Variants in PXDNL observed in about 807,000 individuals in gnomAD.
The protein encoded by PXDNL is peroxidasin like.
A neutral mutation model predicts 150.8 loss-of-function variants in PXDNL; 145 were observed. That is an observed-to-expected ratio of 0.96 (90% CI 0.84 to 1.10). The LOEUF (loss-of-function observed/expected upper bound fraction) is 1.10. Ranked by LOEUF, PXDNL falls within the 50% of genes least tolerant of loss-of-function variation. The probability of loss-of-function intolerance (pLI) is 0.00; values close to 1 mark genes in which losing one functional copy is unlikely to be tolerated. For synonymous variants in PXDNL, 757 were observed against 725.7 expected (o/e 1.04, Z -0.69); for missense variants, 2,087 against 1,873.9 (o/e 1.11, Z -2.10).
At chr8:51,404,803 A>C (rs941989433) in intron 17 of PXDNL, among the ~76,000 whole-genome samples, 14 of 152,212 alleles carry the variant, frequency 9.2e-5, no homozygotes, top group Non-Finnish European at 1.9e-4. Flanking sequence ...GCTGCCCACC[A>C]GTCCCACGCA....
intron 11 of PXDNL, 119 bp from the exon 12 acceptor site, chr8:51,447,281 T>A: frequency 1.0e-6 from 1 of 1,001,550 alleles, no homozygotes; most frequent in South Asian, 1.8e-5. Context: ...TGCTAGGGTG[T>A]ACTGTGTGCG....
chr8:51,458,921 A>G (rs564082900), intron 8 of PXDNL, among the ~76,000 whole-genome samples: 1 of 150,322 alleles, frequency 6.7e-6, no homozygotes, highest in African/African-American at 2.5e-5. Flanking sequence ...TTCTTCAGCT[A>G]TTGGGTATAA....
intron 4 of PXDNL, among the ~76,000 whole-genome samples, chr8:51,543,863 AG>A (rs1245334708): frequency 6.6e-6 from 1 of 152,236 alleles, no homozygotes; most frequent in Non-Finnish European, 1.5e-5. Context: ...GCAAGAAAAA[AG>A]AAAAATTTAT....
chr8:51,497,365 T>C (rs1811075673), intron 5 of PXDNL, among the ~76,000 whole-genome samples: 1 of 152,170 alleles, frequency 6.6e-6, no homozygotes, highest in Non-Finnish European at 1.5e-5. Flanking sequence ...ATTCAGGACA[T>C]AGGCATGGGC....
intron 2 of PXDNL, among the ~76,000 whole-genome samples, chr8:51,645,717 G>A (rs1201751608): frequency 6.6e-6 from 1 of 152,200 alleles, no homozygotes; most frequent in African/African-American, 2.4e-5. Context: ...CTGAAATGGA[G>A]AAATTTACAG....
chr8:51,754,566 C>T (rs1049749552), intron 1 of PXDNL, among the ~76,000 whole-genome samples: 3 of 152,008 alleles, frequency 2.0e-5, no homozygotes, highest in African/African-American at 7.2e-5. Context: ...TCCAATGGCG[C>T]GATCTCAGCT....
Position 51,592,647 on chromosome 8 carries a change from T to A in PXDNL, c.288A>T (p.Gly96=). Residue 96 remains glycine (G), a synonymous_variant, in exon 3 of 23, where the codon GGA becomes GGT. Transcript: ENST00000356297. ...IRKISRNAFE[G]LENLLYLYLY... ...CTTACAGATATAGCAAATTTTCAAG[T>A]CCTTCAAAAGCATTTCTGGAAATCT... 1.3e-6 allele frequency: 2 copies of A among 1,548,600 alleles called. No homozygotes were observed. Among genetic ancestry groups the A allele is most frequent in the Middle Eastern group, 1.7e-4 (1 of 5,974 alleles).
At chr8:51,389,387 T>C (rs1807823390) in intron 17 of PXDNL, among the ~76,000 whole-genome samples, 1 of 152,168 alleles carries the variant, frequency 6.6e-6, no homozygotes, top group African/African-American at 2.4e-5. Context: ...TCAGCCTCGG[T>C]CCCTGATGTT....
intron 8 of PXDNL, among the ~76,000 whole-genome samples, chr8:51,471,986 G>A (rs1205102209): frequency 2.0e-5 from 3 of 152,074 alleles, no homozygotes; most frequent in South Asian, 2.1e-4. Context: ...CACCGCGCCC[G>A]GCCGGAAATG....
intron 12 of PXDNL, among the ~76,000 whole-genome samples, chr8:51,446,301 C>T (rs1809670578): frequency 6.6e-6 from 1 of 152,284 alleles, no homozygotes; most frequent in South Asian, 2.1e-4. Context: ...TGTGGAGAGA[C>T]TTAGGAAATT....
chr8:51,656,596 G>A (rs894305279), intron 1 of PXDNL, among the ~76,000 whole-genome samples: 5 of 152,256 alleles, frequency 3.3e-5, no homozygotes, highest in East Asian at 1.9e-4. Context: ...CTCCCAAAAT[G>A]AGATTCCAAT....
chr8:51,455,115 C>CAAAAAAAAAAAAA (rs536468204), intron 9 of PXDNL, among the ~76,000 whole-genome samples: 835 of 15,804 alleles, frequency 0.053, 271 homozygotes, highest in African/African-American at 0.056. Context: ...GACTCCGTCT[C>CAAAAAAAAAAAAA]AAAAAAAAAA....
chr8:51,685,398 T>C (rs1160970614), intron 1 of PXDNL, among the ~76,000 whole-genome samples: 1 of 152,180 alleles, frequency 6.6e-6, no homozygotes, highest in East Asian at 1.9e-4. Flanking sequence ...CCAATTACTA[T>C]GGCAACCAAA....
At chr8:51,400,225 C>T (rs1301521752) in intron 17 of PXDNL, among the ~76,000 whole-genome samples, 1 of 152,160 alleles carries the variant, frequency 6.6e-6, no homozygotes, top group African/African-American at 2.4e-5. Context: ...GTTTCACACA[C>T]ACCTTAAAAG....
At chr8:51,439,540 A>C (rs1809490748) in intron 12 of PXDNL, among the ~76,000 whole-genome samples, 1 of 152,182 alleles carries the variant, frequency 6.6e-6, no homozygotes, top group Non-Finnish European at 1.5e-5. Context: ...AATTAACAGT[A>C]CAGGTTGGGT....
chr8:51,457,101 C>T (rs753991286), intron 9 of PXDNL, among the ~76,000 whole-genome samples: 21 of 152,208 alleles, frequency 1.4e-4, no homozygotes, highest in Non-Finnish European at 1.9e-4. Context: ...TGGTTGATAA[C>T]CATGCAATCT....
intron 1 of PXDNL, among the ~76,000 whole-genome samples, chr8:51,700,005 A>G (rs975122159): frequency 6.6e-6 from 1 of 152,160 alleles, no homozygotes; most frequent in Non-Finnish European, 1.5e-5. Flanking sequence ...TGTGAGAATT[A>G]CCAAATTGTG....
At chr8:51,545,441 T>C (rs2130499251) in intron 4 of PXDNL, among the ~76,000 whole-genome samples, 1 of 152,300 alleles carries the variant, frequency 6.6e-6, no homozygotes, top group Admixed American at 6.5e-5. Flanking sequence ...AGTGATAGTT[T>C]AGTAGTCATT....
chr8:51,349,996 T>A (rs939732929), intron 19 of PXDNL, among the ~76,000 whole-genome samples: 1 of 152,182 alleles, frequency 6.6e-6, no homozygotes, highest in Non-Finnish European at 1.5e-5. Context: ...TGAGAATGAA[T>A]GCATTCATAT....
Sources: allele counts gnomAD v4.1 joint callset (sites outside exome capture counted in the v4.1 genomes callset), GRCh38; gene constraint gnomAD v4.1.1; transcripts MANE v1.5; gene names NCBI Gene and HGNC (gene_info 2026-07-23, HGNC 2026-07-21).